The following PACS1 variants were observed in gnomAD, a reference collection of about 807,000 sequenced individuals.
PACS1 encodes the protein phosphofurin acidic cluster sorting protein 1, also known as PACS-1.
PACS1 carries 24 observed loss-of-function variants against 115.0 expected under a neutral mutation model. The ratio of observed to expected loss-of-function variants is 0.21; its 90% CI spans 0.15 to 0.29. The LOEUF (loss-of-function observed/expected upper bound fraction) is 0.29, where lower values mean the gene tolerates loss of function less well. Among genes scored for constraint, PACS1 ranks in the 10% least tolerant of loss-of-function variants. The pLI is 1.00. For synonymous variants in PACS1, 453 were observed against 504.5 expected (o/e 0.90, Z 1.37); for missense variants, 838 against 1,251.2 (o/e 0.67, Z 4.98).
intron 1 of PACS1, among the ~76,000 whole-genome samples, chr11:66,095,166 T>C (rs1156286156): frequency 4.0e-5 from 6 of 150,526 alleles, no homozygotes; most frequent in South Asian, 2.1e-4. Context: ...TCACCACTCC[T>C]ATTCAACATA....
Position 66,169,853 on chromosome 11 carries a change from T to C in PACS1, c.357-23633T>C, listed in dbSNP as rs1447033697. On this transcript the variant is annotated intron_variant, in intron 1 of 23. Coordinates refer to ENST00000320580, the MANE Select transcript of PACS1 (RefSeq NM_018026.4). ...ATTTTATGAAATGAATTGGAAAGTG[T>C]TTCCTCCTTTTGATCCTCTGGAAGA... Among the ~76,000 whole-genome samples, 3 of 150,494 alleles carry C rather than the reference T, an allele frequency of 2.0e-5. 1 individual carries two copies. The highest frequency in any genetic ancestry group is 7.5e-5 in the African/African-American group (3 of 39,850).
In PACS1 at chr11:66,090,698, C is replaced by G. The variant is rs185851686; in HGVS notation, c.356+19856C>G. Among the ~76,000 whole-genome samples, 23 of 152,220 alleles carry G rather than the reference C, an allele frequency of 1.5e-4. No homozygotes were observed. In the East Asian group the frequency reaches 4.4e-3, roughly 29 times the overall value. On this transcript the variant is annotated intron_variant, in intron 1 of 23. Coordinates refer to ENST00000320580, the MANE Select transcript of PACS1 (RefSeq NM_018026.4). ...TAGGCAAACCACTCACTTTCCAGAC[C>G]CTTCATTGTCTTACTGCTTAGAAAT...
intron 1 of PACS1, among the ~76,000 whole-genome samples, chr11:66,076,425 G>A (rs1309028111): frequency 2.0e-5 from 3 of 151,778 alleles, no homozygotes; most frequent in Non-Finnish European, 4.4e-5. Context: ...TTTTGAGACA[G>A]GGTCTTGTTC....
intron 1 of PACS1, among the ~76,000 whole-genome samples, chr11:66,191,757 C>T (rs1175682966): frequency 2.0e-5 from 3 of 152,238 alleles, no homozygotes; most frequent in African/African-American, 7.2e-5. Flanking sequence ...GGCGTGGTGG[C>T]TCACGCCTGT....
In PACS1 at chr11:66,219,503, G is replaced by A. The variant is rs576570932; in HGVS notation, c.979-243G>A. 1.8e-5 allele frequency: 12 copies of A among 649,366 alleles called. No individual in the cohort carries two copies. The Admixed American group carries it at 2.1e-4, about 11-fold the overall frequency. 40.2% of individuals were successfully genotyped at this position (649,366 alleles called of 1,614,324 possible). A position where few individuals can be genotyped will look rare whatever the true frequency, so the allele number is the denominator to read the frequency against. Reference sequence around the variant, plus strand: ...ACATTTGGGAGGTGTTGGGGCACAGGGGGGTGGAGGACCTGGGGATAGACA... The same window carrying A: ...ACATTTGGGAGGTGTTGGGGCACAGAGGGGTGGAGGACCTGGGGATAGACA... On this transcript the variant is annotated intron_variant, in intron 7 of 23. Coordinates refer to ENST00000320580, the MANE Select transcript of PACS1 (RefSeq NM_018026.4).
intron 1 of PACS1, among the ~76,000 whole-genome samples, chr11:66,137,853 T>C (rs1565120999): frequency 6.6e-6 from 1 of 152,210 alleles, no homozygotes; most frequent in Non-Finnish European, 1.5e-5. Context: ...TCTCAGACTT[T>C]AATGTGAACA....
chr11:66,216,774 G>A lies in PACS1; in HGVS notation c.977G>A (p.Arg326Lys). The change falls in exon 7 of 24, where the codon AGG becomes AAG. Residue 326 changes from arginine (R) to lysine (K), a missense_variant and splice_region_variant. Arg to Lys is a conservative substitution (Grantham distance 26). Transcript: ENST00000320580. The stretch of plus-strand genomic sequence containing the variant: ...CTAACCTCAACCTCTGCCATCACAA[G>A]GGTGAGCCTCAAAGGTCTGGGGAGT... ...RKLTSTSAIT[R>K]QPNIKQKFVA... is the part of the protein sequence containing the mutation. 1 of 1,613,010 alleles carries A rather than the reference G, an allele frequency of 6.2e-7. No homozygotes were observed. Among genetic ancestry groups the A allele is most frequent in the Non-Finnish European group, 8.5e-7 (1 of 1,179,108 alleles).
At chr11:66,147,084 T>G (rs1859141862) in intron 1 of PACS1, among the ~76,000 whole-genome samples, 1 of 151,998 alleles carries the variant, frequency 6.6e-6, no homozygotes. Context: ...ACAAAAAGAA[T>G]AAGAATGTCT....
intron 1 of PACS1, among the ~76,000 whole-genome samples, chr11:66,181,129 A>G (rs1860000224): frequency 6.6e-6 from 1 of 151,764 alleles, no homozygotes; most frequent in African/African-American, 2.4e-5. Flanking sequence ...AGCTGTATAT[A>G]TTTATGGAAG....
chr11:66,145,306 C>T (rs1198121115), intron 1 of PACS1, among the ~76,000 whole-genome samples: 1 of 152,122 alleles, frequency 6.6e-6, no homozygotes, highest in Non-Finnish European at 1.5e-5. Context: ...TGTTAGGGTA[C>T]AGCAGGCCGT....
chr11:66,216,103 C>A lies in PACS1; in HGVS notation c.661-16C>A, dbSNP rs775271722. 1 of 1,613,378 alleles carries A rather than the reference C, an allele frequency of 6.2e-7. No homozygotes were observed. Among genetic ancestry groups the A allele is most frequent in the Non-Finnish European group, 8.5e-7 (1 of 1,179,666 alleles). Reference sequence around the variant, plus strand: ...CTCTGTAGTAACACGCCTCCACCACCTCCCCTGGCTCCTAGGTGATGCAGC... The same window carrying A: ...CTCTGTAGTAACACGCCTCCACCACATCCCCTGGCTCCTAGGTGATGCAGC... On this transcript the variant is annotated splice_polypyrimidine_tract_variant and intron_variant, in intron 4 of 23. Coordinates refer to ENST00000320580, the MANE Select transcript of PACS1 (RefSeq NM_018026.4).
intron 1 of PACS1, among the ~76,000 whole-genome samples, chr11:66,138,823 C>T (rs1346672223): frequency 6.6e-6 from 1 of 152,042 alleles, no homozygotes; most frequent in Non-Finnish European, 1.5e-5. Context: ...GCTGGGACTA[C>T]AGACATGCGC....
chr11:66,173,017 A>G, intron 1 of PACS1, among the ~76,000 whole-genome samples: 1 of 150,778 alleles, frequency 6.6e-6, no homozygotes. Context: ...GTTACACAGC[A>G]GTAATTAATA....
In PACS1 at chr11:66,070,472, C is replaced by A; in HGVS notation, c.-15C>A. ...GGCGTCGCCTCGGCCTCCGTAACCC[C>A]CGCCTAGCCGGGCCATGGCGGAACG... On this transcript the variant is annotated 5_prime_UTR_variant, in exon 1 of 24. Transcript: ENST00000320580. This position sits in a 1 kb window ranked among gnomAD's most constrained non-coding sequence, Gnocchi z 5.9. 7.9e-7 allele frequency: 1 copy of A among 1,258,992 alleles called. No individual in the cohort carries two copies. 78.0% of individuals were successfully genotyped at this position (1,258,992 alleles called of 1,614,324 possible).
chr11:66,100,618 T>C (rs1222012509), intron 1 of PACS1: 1 of 344,150 alleles, frequency 2.9e-6, no homozygotes, highest in Admixed American at 4.0e-5. Context: ...TCACTTAAAA[T>C]AAGGGAAGAA....
intron 1 of PACS1, among the ~76,000 whole-genome samples, chr11:66,186,644 A>G (rs551652): frequency 0.014 from 2,088 of 152,350 alleles, 40 homozygotes; most frequent in African/African-American, 0.047. Context: ...CTGATGTATC[A>G]CAAGTGACCA....
intron 1 of PACS1, among the ~76,000 whole-genome samples, chr11:66,150,041 G>A (rs1025863224): frequency 1.3e-5 from 2 of 152,140 alleles, no homozygotes; most frequent in African/African-American, 2.4e-5. Context: ...GAGCCACCAC[G>A]CTCGGCCAAA....
Position 66,219,739 on chromosome 11 carries a change from C to T in PACS1, c.979-7C>T. On this transcript the variant is annotated splice_region_variant and splice_polypyrimidine_tract_variant and intron_variant, in intron 7 of 23. Transcript: ENST00000320580. ...GCTGAGAACTGTCATGCGATTTGTC[C>T]CTACAGCAACCTAACATCAAACAGA... 4 of 1,612,454 alleles carry T rather than the reference C, an allele frequency of 2.5e-6. No individual in the cohort carries two copies. Among genetic ancestry groups the T allele is most frequent in the Non-Finnish European group, 1.7e-6 (2 of 1,178,634 alleles).
At chr11:66,096,606 C>T (rs537688002) in intron 1 of PACS1, among the ~76,000 whole-genome samples, 4 of 150,702 alleles carry the variant, frequency 2.7e-5, no homozygotes, top group Non-Finnish European at 4.4e-5. Context: ...CGGGTTCAAG[C>T]GATTCTCCTG....
Sources: gnomAD v4.1 joint callset for allele counts (sites outside exome capture counted in the v4.1 genomes callset) on GRCh38, gnomAD v4.1.1 for gene constraint, Gnocchi (gnomAD v3.1) non-coding constraint, MANE v1.5 for transcripts, NCBI Gene and HGNC (gene_info 2026-07-23, HGNC 2026-07-21) for gene names.